EYA1: variants seen among roughly 807,000 people sequenced by gnomAD.
EYA1 encodes EYA transcriptional coactivator and phosphatase 1, also known as protein phosphatase EYA1.
Under a neutral mutation model 82.0 loss-of-function variants are expected in EYA1, and 16 were observed. The ratio of observed to expected loss-of-function variants is 0.20; its 90% CI spans 0.13 to 0.30. The LOEUF is 0.30. Ranked by LOEUF, EYA1 falls within the 10% of genes least tolerant of loss-of-function variation. The pLI, the probability that EYA1 is intolerant of heterozygous loss-of-function variation, is 1.00. For missense variants in EYA1, 633 were observed against 730.7 expected (o/e 0.87, Z 1.54); for synonymous variants, 261 against 264.4 (o/e 0.99, Z 0.12).
intron 11 of EYA1, among the ~76,000 whole-genome samples, chr8:71,267,051 A>G (rs1054511045): frequency 5.3e-5 from 8 of 151,604 alleles, no homozygotes; most frequent in Non-Finnish European, 1.2e-4. Context: ...TCCAATTTGG[A>G]CCCCCATTTT....
At chr8:71,515,201 A>G (rs142535752) in intron 2 of EYA1, among the ~76,000 whole-genome samples, 43 of 152,242 alleles carry the variant, frequency 2.8e-4, no homozygotes, top group African/African-American at 1.0e-3. Context: ...TTACAATCCC[A>G]TGAAATTCTA....
At chr8:71,201,285 A>T (rs1806974695) in intron 17 of EYA1, among the ~76,000 whole-genome samples, 1 of 150,860 alleles carries the variant, frequency 6.6e-6, no homozygotes, top group African/African-American at 2.5e-5. Context: ...CAGAGGTTTA[A>T]ATAAATAGCT....
intron 2 of EYA1, among the ~76,000 whole-genome samples, chr8:71,383,196 C>T (rs2129102330): frequency 6.6e-6 from 1 of 151,968 alleles, no homozygotes; most frequent in East Asian, 1.9e-4. Flanking sequence ...AAATTATAAA[C>T]TCTGGCAATT....
chr8:71,339,641 C>A (rs1253302818), intron 3 of EYA1, among the ~76,000 whole-genome samples: 2 of 152,108 alleles, frequency 1.3e-5, no homozygotes, highest in Non-Finnish European at 2.9e-5. Context: ...CATCTTCCTG[C>A]AACATTTCCC....
At chr8:71,367,067 C>G (rs745801152), upstream of EYA1, among the ~76,000 whole-genome samples, 2 of 151,988 alleles carry the variant, frequency 1.3e-5, no homozygotes, top group Non-Finnish European at 2.9e-5. Context: ...AGAAAAAATC[C>G]TTGAACTTGA....
intron 2 of EYA1, among the ~76,000 whole-genome samples, chr8:71,508,446 A>C (rs573975282): frequency 2.0e-5 from 3 of 152,124 alleles, no homozygotes; most frequent in Admixed American, 6.5e-5. Flanking sequence ...GCTACAAACT[A>C]GTGCTTTGAA....
intron 11 of EYA1, among the ~76,000 whole-genome samples, chr8:71,267,587 T>C (rs1162346249): frequency 1.3e-5 from 2 of 152,226 alleles, no homozygotes; most frequent in African/African-American, 2.4e-5. Context: ...CTTGCTCTGT[T>C]GCCCAGGCTG....
upstream of EYA1, among the ~76,000 whole-genome samples, chr8:71,364,307 T>C (rs1390531535): frequency 6.6e-6 from 1 of 151,950 alleles, no homozygotes; most frequent in Non-Finnish European, 1.5e-5. Context: ...CGTTTACCCA[T>C]AAATTGTGTA....
At chr8:71,331,054 C>T (rs1411952721) in intron 4 of EYA1, among the ~76,000 whole-genome samples, 4 of 151,872 alleles carry the variant, frequency 2.6e-5, no homozygotes, top group Admixed American at 6.6e-5. Flanking sequence ...CATGGTGAAA[C>T]CCCATCTCTA....
chr8:71,463,690 A>G (rs1343145791), intron 2 of EYA1, among the ~76,000 whole-genome samples: 1 of 143,684 alleles, frequency 7.0e-6, no homozygotes, highest in African/African-American at 2.6e-5. Context: ...ACATATATTT[A>G]CATATACATG....
rs548399426 is a variant in EYA1 at position 71,342,463 on chromosome 8, C to T, written c.125-8289G>A. Among the ~76,000 whole-genome samples the T allele has an allele frequency of 6.6e-5, 10 of 152,220 alleles. No individual in the cohort carries two copies. The South Asian group carries it at 1.9e-3, about 28-fold the overall frequency. On this transcript the variant is annotated intron_variant, in intron 3 of 17. Transcript: ENST00000340726. ...CAATACTCAGCTCAGATTCCATCTC[C>T]TCCTTGAAGCTGGGCCAGACCTTAG... is the stretch of plus-strand genomic sequence containing the variant.
chr8:71,376,856 G>T (rs1215161882), intron 2 of EYA1, among the ~76,000 whole-genome samples: 1 of 152,018 alleles, frequency 6.6e-6, no homozygotes, highest in African/African-American at 2.4e-5. Context: ...TCACTATCTT[G>T]TCAAACTAGC....
chr8:71,274,885 C>CGAGCGAGAGAGAGAGAGTGAGG (rs1816947280), intron 9 of EYA1, among the ~76,000 whole-genome samples: 1 of 147,370 alleles, frequency 6.8e-6, no homozygotes, highest in East Asian at 2.0e-4. Context: ...AGAGAGTGAG[C>CGAGCGAGAGAGAGAGAGTGAGG]GAGCGAGAGA....
chr8:71,474,261 C>G (rs1809477546), intron 2 of EYA1, among the ~76,000 whole-genome samples: 1 of 151,072 alleles, frequency 6.6e-6, no homozygotes, highest in Non-Finnish European at 1.5e-5. Flanking sequence ...GAAGAAGAAG[C>G]AGAAGCAGCA....
At chr8:71,396,132 G>A (rs972317612) in intron 2 of EYA1, among the ~76,000 whole-genome samples, 2 of 152,086 alleles carry the variant, frequency 1.3e-5, no homozygotes, top group Non-Finnish European at 2.9e-5. Flanking sequence ...GGGATCGGTG[G>A]TGATATCCCC....
Position 71,215,334 on chromosome 8 carries a change from A to C in EYA1, c.1597+53T>G. ...GTTTCATTTATTGCCTTTCGTTTTT[A>C]TTATCCTGAAGGAAAAGAGCTGATT... On this transcript the variant is annotated intron_variant, in intron 16 of 17. Transcript: ENST00000340726. The C allele has an allele frequency of 8.9e-6, 14 of 1,579,302 alleles. No homozygotes were observed. In the South Asian group the frequency reaches 1.3e-4, roughly 15 times the overall value.
chr8:71,511,883 C>A (rs1812621212), intron 2 of EYA1, among the ~76,000 whole-genome samples: 2 of 152,080 alleles, frequency 1.3e-5, no homozygotes, highest in South Asian at 2.1e-4. Context: ...AACTAGGAAC[C>A]AGAGGCAGGC....
At chr8:71,249,027 A>AT (rs144850912) in intron 11 of EYA1, among the ~76,000 whole-genome samples, 4 of 152,298 alleles carry the variant, frequency 2.6e-5, no homozygotes, top group South Asian at 2.1e-4. Context: ...TTAAAACACC[A>AT]TTTTTTGTTA....
chr8:71,476,881 G>C (rs902972249), intron 2 of EYA1, among the ~76,000 whole-genome samples: 4 of 151,910 alleles, frequency 2.6e-5, no homozygotes, highest in Non-Finnish European at 5.9e-5. Context: ...AAATAGACAC[G>C]TAGATAAATG....
Sources: gnomAD v4.1 joint callset for allele counts (sites outside exome capture counted in the v4.1 genomes callset) on GRCh38, gnomAD v4.1.1 for gene constraint, MANE v1.5 for transcripts, NCBI Gene and HGNC (gene_info 2026-07-23, HGNC 2026-07-21) for gene names.